Variants in ZDHHC21 observed in about 807,000 individuals in gnomAD.
ZDHHC21 encodes zDHHC palmitoyltransferase 21.
ZDHHC21 carries 15 observed loss-of-function variants against 34.6 expected under a neutral mutation model. The ratio of observed to expected loss-of-function variants is 0.43; its 90% confidence interval spans 0.29 to 0.67. The LOEUF (loss-of-function observed/expected upper bound fraction) is 0.67. Ranked by LOEUF, ZDHHC21 falls within the 30% of genes least tolerant of loss-of-function variation. ZDHHC21 has a pLI of 0.14. For missense variants in ZDHHC21, 344 were observed against 327.7 expected, an observed-to-expected ratio of 1.05 and a Z score of -0.38; for synonymous variants, 142 against 101.8, an observed-to-expected ratio of 1.40 and a Z score of -2.38.
intron 7 of ZDHHC21, among the ~76,000 whole-genome samples, chr9:14,653,864 A>T (rs936603895): frequency 9.9e-5 from 15 of 152,028 alleles, no homozygotes; most frequent in Admixed American, 7.9e-4. Context: ...CAACACTCAC[A>T]CCAAAAACAC....
At chr9:14,598,902 T>G in the ZDHHC21 span, among the ~76,000 whole-genome samples, 1 of 150,330 alleles carries the variant, frequency 6.7e-6, no homozygotes, top group Non-Finnish European at 1.5e-5. Context: ...ACCACAAGCA[T>G]GTGACATCCC....
intron 7 of ZDHHC21, among the ~76,000 whole-genome samples, chr9:14,642,182 A>C (rs1167522673): frequency 6.6e-6 from 1 of 152,234 alleles, no homozygotes; most frequent in African/African-American, 2.4e-5. Flanking sequence ...TAGTAAAAAA[A>C]CTTTAATCTA....
chr9:14,611,943 G>A lies in ZDHHC21; in HGVS notation c.*7023C>T, dbSNP rs79953393. The A allele has an allele frequency of 3.9e-5, 6 of 151,938 alleles. No individual in the cohort carries two copies. The highest frequency in any genetic ancestry group is 8.8e-5 in the Non-Finnish European group (6 of 67,936). 9.4% of individuals were successfully genotyped at this position (151,938 alleles called of 1,614,324 possible). ...GTTCATCTCTGGGAGACAGTGAATA[G>A]TGGTGAATTCTCTACTACTCAATAA... On this transcript the variant is annotated 3_prime_UTR_variant, in exon 10 of 10. Transcript: ENST00000380916.
At chr9:14,680,976 C>G (rs767148044) in intron 2 of ZDHHC21, among the ~76,000 whole-genome samples, 2 of 152,134 alleles carry the variant, frequency 1.3e-5, no homozygotes, top group Non-Finnish European at 2.9e-5. Flanking sequence ...AGAAGGCAGA[C>G]TCTTCAGACC....
At chr9:14,636,308 G>C (rs565708025) in intron 8 of ZDHHC21, among the ~76,000 whole-genome samples, 118 of 152,228 alleles carry the variant, frequency 7.8e-4, no homozygotes, top group African/African-American at 2.6e-3. Flanking sequence ...GTCAAAAATA[G>C]TAAAAAGTTA....
chr9:14,630,826 T>G (rs951493178), intron 8 of ZDHHC21, among the ~76,000 whole-genome samples: 1 of 152,256 alleles, frequency 6.6e-6, no homozygotes, highest in African/African-American at 2.4e-5. Flanking sequence ...AGGAACTTTT[T>G]TTCCTGAGCA....
intron 7 of ZDHHC21, among the ~76,000 whole-genome samples, chr9:14,644,945 G>A: frequency 6.6e-6 from 1 of 151,942 alleles, no homozygotes; most frequent in East Asian, 1.9e-4. Context: ...CATATAAACA[G>A]AGCAAGGTAG....
rs1835941402 is a variant in ZDHHC21 at position 14,674,182 on chromosome 9, C to T, written c.154+5G>A. 6.8e-7 allele frequency: 1 copy of T among 1,480,756 alleles called. No homozygotes were observed. Among genetic ancestry groups the T allele is most frequent in the African/African-American group, 1.5e-5 (1 of 68,130 alleles). 91.7% of individuals were successfully genotyped at this position (1,480,756 alleles called of 1,614,324 possible). A position where few individuals can be genotyped will look rare whatever the true frequency, so the allele number is the denominator to read the frequency against. ...ATACAAGAAAATAAAGATCAAGAAA[C>T]TTACTTATTATTAATATGCCTGGAA... On this transcript the variant is annotated splice_donor_5th_base_variant and intron_variant, in intron 4 of 9. Coordinates refer to ENST00000380916, the MANE Select transcript of ZDHHC21 (RefSeq NM_178566.6).
chr9:14,612,940 AG>A lies in ZDHHC21; in HGVS notation c.*6025del, dbSNP rs1437354438. 1 of 151,158 alleles carries A rather than the reference AG, an allele frequency of 6.6e-6. No individual in the cohort carries two copies. Among genetic ancestry groups the A allele is most frequent in the East Asian group, 1.9e-4 (1 of 5,148 alleles). The allele number at this position is 151,158 out of a possible 1,614,324, so 9.4% of individuals were successfully genotyped here. A position where few individuals can be genotyped will look rare whatever the true frequency, so the allele number is the denominator to read the frequency against. ...ACTCTTCATCTTAGTATTTTGTTTC[AG>A]TATTCACTAAAGTGCCCAATAAGCT... On this transcript the variant is annotated 3_prime_UTR_variant, in exon 10 of 10. Coordinates refer to ENST00000380916, the MANE Select transcript of ZDHHC21 (RefSeq NM_178566.6).
chr9:14,627,439 T>G (rs777658962), intron 8 of ZDHHC21, among the ~76,000 whole-genome samples: 1 of 152,168 alleles, frequency 6.6e-6, no homozygotes, highest in African/African-American at 2.4e-5. Flanking sequence ...GCAATTCAAA[T>G]AGAATCCAAC....
intron 5 of ZDHHC21, among the ~76,000 whole-genome samples, chr9:14,672,017 C>T (rs187001138): frequency 2.7e-3 from 413 of 152,140 alleles, no homozygotes; most frequent in African/African-American, 9.0e-3. Flanking sequence ...AAGTCAAATT[C>T]TGGGAATCTT....
chr9:14,594,807 T>A, the ZDHHC21 span, among the ~76,000 whole-genome samples: 1 of 152,108 alleles, frequency 6.6e-6, no homozygotes, highest in African/African-American at 2.4e-5. Context: ...AGTCCTTGTA[T>A]CCAGAACACA....
downstream of ZDHHC21, among the ~76,000 whole-genome samples, chr9:14,609,340 C>G (rs925527492): frequency 1.3e-5 from 2 of 152,156 alleles, no homozygotes; most frequent in South Asian, 4.1e-4. Context: ...GCTGAACTAG[C>G]CACTTTCTTT....
At chr9:14,655,577 G>C (rs976971294) in intron 7 of ZDHHC21, among the ~76,000 whole-genome samples, 9 of 151,706 alleles carry the variant, frequency 5.9e-5, no homozygotes, top group African/African-American at 2.2e-4. Flanking sequence ...GGTGTTCCAA[G>C]ACCACTGCTT....
chr9:14,659,373 T>C (rs1832942155), intron 6 of ZDHHC21, among the ~76,000 whole-genome samples: 1 of 152,210 alleles, frequency 6.6e-6, no homozygotes, highest in African/African-American at 2.4e-5. Flanking sequence ...GCATTCACTT[T>C]TCATTTTAAA....
chr9:14,607,255 C>G (rs1368015918), downstream of ZDHHC21, among the ~76,000 whole-genome samples: 1 of 151,996 alleles, frequency 6.6e-6, no homozygotes, highest in East Asian at 1.9e-4. Context: ...GCAGACCAGC[C>G]TGGGCCACAT....
chr9:14,635,816 G>T (rs922657743), intron 8 of ZDHHC21, among the ~76,000 whole-genome samples: 3 of 152,188 alleles, frequency 2.0e-5, no homozygotes, highest in African/African-American at 7.2e-5. Context: ...AGCCGAGATC[G>T]CAATGCTGCA....
the ZDHHC21 span, among the ~76,000 whole-genome samples, chr9:14,604,286 A>G: frequency 3.3e-5 from 5 of 152,176 alleles, no homozygotes; most frequent in Non-Finnish European, 5.9e-5. Context: ...TAATCCACTT[A>G]GTGAATAATA....
chr9:14,592,890 A>G, the ZDHHC21 span, among the ~76,000 whole-genome samples: 1 of 152,206 alleles, frequency 6.6e-6, no homozygotes. Context: ...ACATTCGGAA[A>G]TTAGACAACA....
Sources: gnomAD v4.1 joint callset for allele counts (sites outside exome capture counted in the v4.1 genomes callset) on GRCh38, gnomAD v4.1.1 for gene constraint, MANE v1.5 for transcripts, NCBI Gene and HGNC (gene_info 2026-07-23, HGNC 2026-07-21) for gene names.